IBA57: variants seen among roughly 807,000 people sequenced by gnomAD.
The protein encoded by IBA57 is iron-sulfur cluster assembly factor IBA57.
IBA57 carries 20 observed loss-of-function variants against 20.4 expected under a neutral mutation model. The observed-to-expected ratio is 0.98, with a 90% confidence interval of 0.69 to 1.42. The LOEUF (loss-of-function observed/expected upper bound fraction) is 1.42. Ranked by LOEUF, IBA57 falls within the 40% of genes most tolerant of loss-of-function variation. The pLI, the probability that IBA57 is intolerant of heterozygous loss-of-function variation, is 0.00. For synonymous variants in IBA57, 310 were observed against 233.9 expected, an observed-to-expected ratio of 1.33 and a Z score of -2.97; for missense variants, 608 against 499.3, an observed-to-expected ratio of 1.22 and a Z score of -2.07.
Position 228,165,970 on chromosome 1 carries a change from C to T in IBA57, c.154C>T (p.Arg52Trp). The T allele has an allele frequency of 6.6e-7, 1 of 1,516,774 alleles. No individual in the cohort carries two copies. The highest frequency in any genetic ancestry group is 8.8e-7 in the Non-Finnish European group (1 of 1,140,160). 94.0% of individuals were successfully genotyped at this position (1,516,774 alleles called of 1,614,324 possible). ...PTAGAAWACFRLDGRTLLRVR... is the reference protein window; with the variant it reads ...PTAGAAWACFWLDGRTLLRVR... The stretch of plus-strand genomic sequence containing the variant: ...GGCCGGAGCGGCCTGGGCCTGCTTC[C>T]GGCTGGACGGGCGCACCCTGCTGCG... Residue 52 changes from arginine (R) to tryptophan (W), a missense_variant, in exon 1 of 3, where the codon CGG becomes TGG. Arg to Trp is a moderately radical substitution (Grantham distance 101, BLOSUM62 -3). Coordinates refer to ENST00000366711, the MANE Select transcript of IBA57 (RefSeq NM_001010867.4).
rs61743941 is a variant in IBA57 at position 228,174,995 on chromosome 1, C to T, written c.645C>T (p.Asp215=). Residue 215 remains aspartate, a synonymous_variant, in exon 2 of 3, where the codon GAC becomes GAT. Transcript: ENST00000366711. ...TGGTGCCCGGGGGCCGGCTCGGGGA[C>T]TTGTGGGATTATCACCAGCACCGAT... ...PALVPGGRLG[D]LWDYHQHRYL... is the part of the protein sequence containing the mutation. 283 of 1,549,230 alleles carry T rather than the reference C, an allele frequency of 1.8e-4. 1 individual carries two copies. The African/African-American group carries it at 3.6e-3, about 19-fold the overall frequency.
Position 228,180,652 on chromosome 1 carries a change from GT to G in IBA57, c.*5153del, listed in dbSNP as rs750198707. ...CAAACTCAAAATCGTAGTTGGGAGTGTTTTTTTTTTTTTTGAGACAGAGTCT... is the reference window on the plus strand; with the variant it reads ...CAAACTCAAAATCGTAGTTGGGAGTGTTTTTTTTTTTTTGAGACAGAGTCT... On this transcript the variant is annotated 3_prime_UTR_variant, in exon 3 of 3. Transcript: ENST00000366711. 1.6e-3 allele frequency: 227 copies of G among 140,876 alleles called. 2 individuals carry two copies. The highest frequency in any genetic ancestry group is 2.4e-3 in the Admixed American group (34 of 14,014). 8.7% of individuals were successfully genotyped at this position (140,876 alleles called of 1,614,324 possible). A position where few individuals can be genotyped will look rare whatever the true frequency, so the allele number is the denominator to read the frequency against.
rs759335979 is a variant in IBA57, at chr1:228,180,289, C to T, written c.*4776C>T. 1 of 151,728 alleles carries T rather than the reference C, an allele frequency of 6.6e-6. No homozygotes were observed. Among genetic ancestry groups the T allele is most frequent in the Non-Finnish European group, 1.5e-5 (1 of 68,006 alleles). The allele number at this position is 151,728 out of a possible 1,614,324, so 9.4% of individuals were successfully genotyped here. The stretch of plus-strand genomic sequence containing the variant: ...CATGTCTGGGCTTCTGGCGAGGGAT[C>T]CTGTGGGGAAGCTGGAGATGGAAGA... On this transcript the variant is annotated 3_prime_UTR_variant, in exon 3 of 3. Coordinates refer to ENST00000366711, the MANE Select transcript of IBA57 (RefSeq NM_001010867.4).
chr1:228,166,952 G>T (rs2034861998), intron 1 of IBA57, among the ~76,000 whole-genome samples: 2 of 152,132 alleles, frequency 1.3e-5, no homozygotes, highest in South Asian at 4.1e-4. Flanking sequence ...CCTGAGCTAC[G>T]TGGGGTGAAT....
At position 228,175,556 on chromosome 1, in the gene IBA57, C is replaced by T; in HGVS notation, c.*43C>T. ...CGCAGGCTGATGGGGAGGCTGGGGC[C>T]TGGGGCCTTTGGCCTCTGTCCAGGG... On this transcript the variant is annotated 3_prime_UTR_variant, in exon 3 of 3. Coordinates refer to ENST00000366711, the MANE Select transcript of IBA57 (RefSeq NM_001010867.4). 3 of 1,520,280 alleles carry T rather than the reference C, an allele frequency of 2.0e-6. No individual in the cohort carries two copies. The highest frequency in any genetic ancestry group is 1.8e-6 in the Non-Finnish European group (2 of 1,135,248). The allele number at this position is 1,520,280 out of a possible 1,614,324, so 94.2% of individuals were successfully genotyped here.
chr1:228,166,519 A>C (rs1445337323), intron 1 of IBA57, among the ~76,000 whole-genome samples: 1 of 151,888 alleles, frequency 6.6e-6, no homozygotes, highest in Non-Finnish European at 1.5e-5. Context: ...CTAGGTGGGC[A>C]CCTCCCAAGT....
intron 1 of IBA57, among the ~76,000 whole-genome samples, chr1:228,168,629 C>T (rs1388419726): frequency 2.6e-5 from 4 of 152,214 alleles, no homozygotes; most frequent in Admixed American, 2.6e-4. Context: ...GGTCTCTGTC[C>T]TCGAGGTCTG....
chr1:228,175,768 T>G lies in IBA57; in HGVS notation c.*255T>G, dbSNP rs1368405379. 7.3e-6 allele frequency: 3 copies of G among 410,992 alleles called. No homozygotes were observed. In the East Asian group the frequency reaches 1.2e-4, roughly 16 times the overall value. The allele number at this position is 410,992 out of a possible 1,614,324, so 25.5% of individuals were successfully genotyped here. On this transcript the variant is annotated 3_prime_UTR_variant, in exon 3 of 3. Coordinates refer to ENST00000366711, the MANE Select transcript of IBA57 (RefSeq NM_001010867.4). ...CACCGTGTGAGTGCTGGGCTCCAGATGGCGCCGGGTCCCAATCGTGGCTCC... is the reference window on the plus strand; with the variant it reads ...CACCGTGTGAGTGCTGGGCTCCAGAGGGCGCCGGGTCCCAATCGTGGCTCC...
rs942980322 is a variant in IBA57, at chr1:228,170,197, G to C, written c.341+4040G>C. 1.3e-5 allele frequency among the ~76,000 whole-genome samples: 2 copies of C among 152,188 alleles called. No individual in the cohort carries two copies. Among genetic ancestry groups the C allele is most frequent in the African/African-American group, 4.8e-5 (2 of 41,434 alleles). ...AGCTAATTTCTTTTAGTACTGGTTA[G>C]TATTCCATTGGATGGACCACAGTTT... On this transcript the variant is annotated intron_variant, in intron 1 of 2. Coordinates refer to ENST00000366711, the MANE Select transcript of IBA57 (RefSeq NM_001010867.4). The surrounding 1 kb of genome is among the most constrained non-coding windows in gnomAD (Gnocchi z 4.8).
rs2035074126 is a variant in IBA57, at chr1:228,179,419, C to T, written c.*3906C>T. On this transcript the variant is annotated 3_prime_UTR_variant, in exon 3 of 3. Coordinates refer to ENST00000366711, the MANE Select transcript of IBA57 (RefSeq NM_001010867.4). ...ATCGGGAACTGTTTGAAGAAATGACCCAAAGTGCAGCACAGAAAGACAGAG... is the reference window on the plus strand; with the variant it reads ...ATCGGGAACTGTTTGAAGAAATGACTCAAAGTGCAGCACAGAAAGACAGAG... 2.0e-5 allele frequency: 3 copies of T among 151,950 alleles called. 1 individual carries two copies. The South Asian group carries it at 6.2e-4, about 32-fold the overall frequency. 9.4% of individuals were successfully genotyped at this position (151,950 alleles called of 1,614,324 possible). A position where few individuals can be genotyped will look rare whatever the true frequency, so the allele number is the denominator to read the frequency against.
chr1:228,175,074 C>G lies in IBA57; in HGVS notation c.679+45C>G, dbSNP rs763326525. ...GCTGGGCTGGATTGCACGGGTGGAG[C>G]TGGACGATGTTCAATTCTCGCTGGT... On this transcript the variant is annotated intron_variant, in intron 2 of 2. Transcript: ENST00000366711. The G allele has an allele frequency of 2.1e-5, 34 of 1,583,170 alleles. No homozygotes were observed. The Middle Eastern group carries it at 6.8e-4, about 31-fold the overall frequency.
At chr1:228,166,467 G>A (rs770209017) in intron 1 of IBA57, among the ~76,000 whole-genome samples, 2 of 152,198 alleles carry the variant, frequency 1.3e-5, no homozygotes, top group Non-Finnish European at 2.9e-5. Context: ...TCATCCAGGG[G>A]AGGCCTGGGG....
At chr1:228,173,408 C>CG (rs2034953807) in intron 1 of IBA57, 1 of 137,746 alleles carries the variant, frequency 7.3e-6, no homozygotes, top group African/African-American at 2.6e-5. Context: ...TGCCCCCCCC[C>CG]CCGACATGCC....
chr1:228,167,568 G>A (rs2034870070), intron 1 of IBA57, among the ~76,000 whole-genome samples: 1 of 152,104 alleles, frequency 6.6e-6, no homozygotes, highest in African/African-American at 2.4e-5. Context: ...TATTGGCCAG[G>A]CTGTTTTCAC....
At chr1:228,168,088 G>A (rs147861081) in intron 1 of IBA57, among the ~76,000 whole-genome samples, 29 of 152,238 alleles carry the variant, frequency 1.9e-4, no homozygotes, top group Non-Finnish European at 3.2e-4. Context: ...TCACTTATGC[G>A]TGGATTTTCC....
intron 1 of IBA57, among the ~76,000 whole-genome samples, chr1:228,167,280 C>T (rs1364356078): frequency 1.3e-5 from 2 of 151,898 alleles, no homozygotes; most frequent in African/African-American, 4.8e-5. Flanking sequence ...TGAGGTCAGA[C>T]CCAGCCCATT....
chr1:228,166,209 A>C, intron 1 of IBA57, 52 bp downstream of exon 1: 1 of 1,036,208 alleles, frequency 9.7e-7, no homozygotes, highest in Non-Finnish European at 1.2e-6. Flanking sequence ...GGGAGTGGCC[A>C]GGGACCGGCA....
rs876657407 is a variant in IBA57 at position 228,175,028 on chromosome 1, A to G, written c.678A>G (p.Gln226=). Residue 226 remains glutamine, a splice_region_variant and synonymous_variant, in exon 2 of 3, where the codon CAA becomes CAG. Transcript: ENST00000366711. ...ATTATCACCAGCACCGATACCTGCAAGGTATGGGTGGGGTGGGCACGCTGG... is the reference window on the plus strand; with the variant it reads ...ATTATCACCAGCACCGATACCTGCAGGGTATGGGTGGGGTGGGCACGCTGG... ...LWDYHQHRYL[Q]GVPEGVRDLP... 2 of 1,552,726 alleles carry G rather than the reference A, an allele frequency of 1.3e-6. No homozygotes were observed. Among genetic ancestry groups the G allele is most frequent in the Middle Eastern group, 1.7e-4 (1 of 5,768 alleles).
intron 1 of IBA57, among the ~76,000 whole-genome samples, chr1:228,169,219 G>A (rs1413037713): frequency 6.6e-6 from 1 of 152,166 alleles, no homozygotes; most frequent in East Asian, 1.9e-4. Context: ...GCCTCTGTGT[G>A]TTCCTGCTTC....
Sources: allele counts gnomAD v4.1 joint callset (sites outside exome capture counted in the v4.1 genomes callset), GRCh38; gene constraint gnomAD v4.1.1; non-coding constraint Gnocchi (gnomAD v3.1); transcripts MANE v1.5; gene names NCBI Gene and HGNC (gene_info 2026-07-23, HGNC 2026-07-21).